The following NDST4 variants were observed in gnomAD, a reference collection of about 807,000 sequenced individuals.
NDST4 encodes N-deacetylase and N-sulfotransferase 4, also known as N-heparan sulfate sulfotransferase 4.
NDST4 carries 63 observed loss-of-function variants against 100.8 expected under a neutral mutation model. The ratio of observed to expected loss-of-function variants is 0.62; its 90% confidence interval spans 0.51 to 0.77. The LOEUF (loss-of-function observed/expected upper bound fraction) is 0.77. Ranked by LOEUF, NDST4 falls within the 30% of genes least tolerant of loss-of-function variation. NDST4 has a pLI of 0.00. For missense variants in NDST4, 943 were observed against 1,018.4 expected, an observed-to-expected ratio of 0.93 and a Z score of 1.01; for synonymous variants, 377 against 361.8, an observed-to-expected ratio of 1.04 and a Z score of -0.48.
At chr4:114,864,443 G>A (rs1392381241) in intron 7 of NDST4, among the ~76,000 whole-genome samples, 1 of 152,120 alleles carries the variant, frequency 6.6e-6, no homozygotes, top group Non-Finnish European at 1.5e-5. Flanking sequence ...CTCTGTGTAT[G>A]TCTTTAAAAT....
At chr4:114,899,349 T>C (rs1230349549) in intron 6 of NDST4, among the ~76,000 whole-genome samples, 3 of 152,054 alleles carry the variant, frequency 2.0e-5, no homozygotes, top group Non-Finnish European at 2.9e-5. Context: ...GGCTAATTTT[T>C]TTTATTTTTA....
At position 114,941,641 on chromosome 4, in the gene NDST4, C is replaced by A. The variant is rs75992224; in HGVS notation, c.1222-4138G>T. On this transcript the variant is annotated intron_variant, in intron 4 of 13. Transcript: ENST00000264363. ...TGCAAATAAGCAAGTTTTTTTCTAG[C>A]AGTGTTTGGTGCCCATTTGCAGGGC... Among the ~76,000 whole-genome samples the A allele has an allele frequency of 5.4e-3, 818 of 152,188 alleles. 11 individuals carry two copies. Among genetic ancestry groups the A allele is most frequent in the African/African-American group, 0.019 (791 of 41,516 alleles).
At chr4:114,924,243 T>G (rs1305515131) in intron 6 of NDST4, among the ~76,000 whole-genome samples, 1 of 152,040 alleles carries the variant, frequency 6.6e-6, no homozygotes. Flanking sequence ...TTACTCACAT[T>G]CTCTACATCC....
intron 2 of NDST4, among the ~76,000 whole-genome samples, chr4:115,006,592 T>C (rs2126258396): frequency 6.6e-6 from 1 of 152,254 alleles, no homozygotes; most frequent in East Asian, 1.9e-4. Context: ...GGAATGAGAT[T>C]CACAGGCAGA....
intron 2 of NDST4, among the ~76,000 whole-genome samples, chr4:114,994,870 G>A (rs1175495370): frequency 1.3e-5 from 2 of 152,036 alleles, no homozygotes; most frequent in Middle Eastern, 3.4e-3. Flanking sequence ...AAAATGACAG[G>A]CTGAATGAAG....
chr4:114,943,179 T>C (rs1408194824), intron 4 of NDST4, among the ~76,000 whole-genome samples: 1 of 150,070 alleles, frequency 6.7e-6, no homozygotes, highest in African/African-American at 2.4e-5. Context: ...ACATAAAAAG[T>C]TTGAATGTTT....
chr4:115,056,709 G>C (rs1239753874), intron 2 of NDST4, among the ~76,000 whole-genome samples: 3 of 151,950 alleles, frequency 2.0e-5, no homozygotes. Context: ...GTCATGCTCA[G>C]AAAAAAATAT....
At position 114,970,524 on chromosome 4, in the gene NDST4, C is replaced by T; in HGVS notation, c.1127G>A (p.Trp376Ter). 1.9e-6 allele frequency: 3 copies of T among 1,614,008 alleles called. No homozygotes were observed. Among genetic ancestry groups the T allele is most frequent in the Non-Finnish European group, 2.5e-6 (3 of 1,179,900 alleles). Residue 376 changes from tryptophan (W) to a stop codon, truncating the protein, a stop_gained, in exon 4 of 14, where the codon TGG becomes TAG. Coordinates refer to ENST00000264363, the MANE Select transcript of NDST4 (RefSeq NM_022569.3). LOFTEE classifies it high-confidence loss of function. The part of the protein sequence containing the change: ...LLLRSVDEFW[W>*]FPHMWSHMQP... ...CATGTGGCTCCACATGTGAGGAAACCACCAGAACTCATCCACAGACCGAAG... is the reference window on the plus strand; with the variant it reads ...CATGTGGCTCCACATGTGAGGAAACTACCAGAACTCATCCACAGACCGAAG...
At chr4:114,870,621 G>A (rs1026153811) in intron 7 of NDST4, 147 bp downstream of exon 7, 2 of 594,246 alleles carry the variant, frequency 3.4e-6, no homozygotes, top group Non-Finnish European at 5.1e-6. Context: ...AAAAATTGTT[G>A]AGGAAGAGGA....
chr4:114,977,161 C>T (rs377202022), intron 3 of NDST4, 26 bp downstream of exon 3: 53 of 1,392,722 alleles, frequency 3.8e-5, no homozygotes, highest in Non-Finnish European at 5.0e-5. Flanking sequence ...TATGTAGCTG[C>T]CTGAGAACAC....
chr4:114,935,241 C>T lies in NDST4; in HGVS notation c.1501G>A (p.Gly501Arg), dbSNP rs147044927. 4 of 1,609,236 alleles carry T rather than the reference C, an allele frequency of 2.5e-6. No individual in the cohort carries two copies. Among genetic ancestry groups the T allele is most frequent in the Non-Finnish European group, 2.5e-6 (3 of 1,177,812 alleles). Residue 501 changes from glycine (G) to arginine (R), a missense_variant, in exon 6 of 14, where the codon GGA (glycine) becomes AGA (arginine). Transcript: ENST00000264363. ...AGGATTGTGAGAAAAAGTTCACCTC[C>T]TCTGATACTTTTATCCAGTTCTTGG... Reference protein sequence around the residue: ...GPQELDKSIRGGELFLTILLN... With the variant: ...GPQELDKSIRRGELFLTILLN...
intron 4 of NDST4, among the ~76,000 whole-genome samples, chr4:114,938,640 T>C (rs1192867371): frequency 3.0e-4 from 45 of 152,222 alleles, no homozygotes; most frequent in Admixed American, 2.9e-3. Flanking sequence ...CATTATATGG[T>C]ACACAGCATA....
intron 2 of NDST4, among the ~76,000 whole-genome samples, chr4:115,033,707 A>G (rs1464508399): frequency 6.6e-6 from 1 of 152,100 alleles, no homozygotes; most frequent in African/African-American, 2.4e-5. Context: ...AGACTGCACA[A>G]TATAAACCAT....
At chr4:115,025,353 A>G (rs1429696057) in intron 2 of NDST4, among the ~76,000 whole-genome samples, 2 of 152,158 alleles carry the variant, frequency 1.3e-5, no homozygotes, top group Admixed American at 6.6e-5. Flanking sequence ...CGGATTTGAC[A>G]ATCTGATCCT....
intron 1 of NDST4, among the ~76,000 whole-genome samples, chr4:115,078,817 G>A (rs1442722579): frequency 6.6e-6 from 1 of 151,882 alleles, no homozygotes; most frequent in African/African-American, 2.4e-5. Context: ...TCCAGCCTGG[G>A]CAATAGAGCA....
At chr4:115,099,181 A>C (rs893320377) in intron 1 of NDST4, among the ~76,000 whole-genome samples, 4 of 152,182 alleles carry the variant, frequency 2.6e-5, no homozygotes, top group Admixed American at 2.6e-4. Context: ...TGTAGATATA[A>C]ATTTATTGAA....
chr4:114,876,036 A>G (rs565544524), intron 6 of NDST4, among the ~76,000 whole-genome samples: 9 of 152,330 alleles, frequency 5.9e-5, no homozygotes, highest in Non-Finnish European at 8.8e-5. Flanking sequence ...TGCCTTTAAA[A>G]GTCAAATCAT....
chr4:114,890,649 C>CT (rs1285452559), intron 6 of NDST4, among the ~76,000 whole-genome samples: 4 of 152,180 alleles, frequency 2.6e-5, no homozygotes, highest in East Asian at 3.9e-4. Context: ...TGCCCAAACT[C>CT]TAACTTTATC....
rs1724136632 is a variant in NDST4 at position 114,870,983 on chromosome 4, T to G, written c.1537-33A>C. The G allele has an allele frequency of 3.2e-6, 5 of 1,558,536 alleles. No homozygotes were observed. The East Asian group carries it at 1.2e-4, about 36-fold the overall frequency. On this transcript the variant is annotated intron_variant, in intron 6 of 13. Coordinates refer to ENST00000264363, the MANE Select transcript of NDST4 (RefSeq NM_022569.3). ...ATAAATAAAAATGACCACAAAAATA[T>G]CATATGCTTAAGCTTAAAAGTAGCA...
Sources: allele counts gnomAD v4.1 joint callset (sites outside exome capture counted in the v4.1 genomes callset), GRCh38; gene constraint gnomAD v4.1.1; transcripts MANE v1.5; gene names NCBI Gene and HGNC (gene_info 2026-07-23, HGNC 2026-07-21).